C16orf89: variants seen among roughly 807,000 people sequenced by gnomAD.
C16orf89 encodes chromosome 16 open reading frame 89, also known as UPF0764 protein C16orf89.
A neutral mutation model predicts 41.5 loss-of-function variants in C16orf89; 57 were observed. The observed-to-expected ratio is 1.38, with a 90% CI of 1.11 to 1.71. The LOEUF (loss-of-function observed/expected upper bound fraction) is 1.71, where lower values mean the gene tolerates loss of function less well. C16orf89 is among the 40% of genes most tolerant of loss of function. The pLI is 0.00. For synonymous variants in C16orf89, 223 were observed against 190.6 expected (o/e 1.17, Z -1.40); for missense variants, 575 against 445.9 (o/e 1.29, Z -2.61).
chr16:5,063,111 A>C (rs1465418262), intron 1 of C16orf89, among the ~76,000 whole-genome samples: 3 of 152,122 alleles, frequency 2.0e-5, no homozygotes, highest in Non-Finnish European at 2.9e-5. Context: ...GTGGGAGACA[A>C]TGGTGAAGAT....
Position 5,058,564 on chromosome 16 carries a change from G to C in C16orf89, c.556C>G (p.Leu186Val), listed in dbSNP as rs758381036. The part of the protein sequence containing the change: ...PCGLSDLCRS[L>V]MTKPGCSGYC... Reference sequence around the variant, plus strand: ...CCTGAGCAGCCGGGCTTGGTCATGAGGCTCCTGCAGAGGTCTGAGAGGCCG... The same window carrying C: ...CCTGAGCAGCCGGGCTTGGTCATGACGCTCCTGCAGAGGTCTGAGAGGCCG... The change falls in exon 4 of 8, where the codon CTC (leucine) becomes GTC (valine). Residue 186 changes from leucine to valine, a missense_variant. Coordinates refer to ENST00000472572, the MANE Select transcript of C16orf89 (RefSeq NM_001098514.3). 5 of 1,612,808 alleles carry C rather than the reference G, an allele frequency of 3.1e-6. No homozygotes were observed. In the South Asian group the frequency reaches 4.4e-5, roughly 14 times the overall value.
intron 6 of C16orf89, among the ~76,000 whole-genome samples, chr16:5,049,609 G>A (rs1164346671): frequency 1.3e-5 from 2 of 152,146 alleles, no homozygotes; most frequent in Non-Finnish European, 2.9e-5. Context: ...TGACCAATGA[G>A]CAAATGAAGA....
At chr16:5,064,467 A>G (rs1369758246) in intron 1 of C16orf89, among the ~76,000 whole-genome samples, 1 of 152,238 alleles carries the variant, frequency 6.6e-6, no homozygotes, top group African/African-American at 2.4e-5. Context: ...CATGTGCATG[A>G]TCGTGTGATA....
In C16orf89 at chr16:5,054,592, A is replaced by C. The variant is rs1956455245; in HGVS notation, c.868+654T>G. Among the ~76,000 whole-genome samples, 2 of 152,200 alleles carry C rather than the reference A, an allele frequency of 1.3e-5. 1 individual carries two copies. The highest frequency in any genetic ancestry group is 2.9e-5 in the Non-Finnish European group (2 of 68,040). ...CCCTAGAGCCTAGATGGTGTCTGGTACATTAGTGGGTGCTCAATACGTACT... is the reference window on the plus strand; with the variant it reads ...CCCTAGAGCCTAGATGGTGTCTGGTCCATTAGTGGGTGCTCAATACGTACT... On this transcript the variant is annotated intron_variant, in intron 6 of 7. Coordinates refer to ENST00000472572, the MANE Select transcript of C16orf89 (RefSeq NM_001098514.3).
chr16:5,064,989 C>T (rs1956706039), intron 1 of C16orf89, among the ~76,000 whole-genome samples: 2 of 152,356 alleles, frequency 1.3e-5, no homozygotes, highest in African/African-American at 4.8e-5. Context: ...TAGTGAACTA[C>T]AGCTTTTGCT....
downstream of C16orf89, chr16:5,043,379 A>G (rs910457416): frequency 1.3e-5 from 2 of 152,156 alleles, no homozygotes; most frequent in Non-Finnish European, 2.9e-5. Flanking sequence ...TATTATCGCA[A>G]TTTTACTGAT....
In C16orf89 at chr16:5,044,327, G is replaced by C; in HGVS notation, c.*21C>G. The C allele has an allele frequency of 1.3e-6, 2 of 1,580,654 alleles. No homozygotes were observed. Among genetic ancestry groups the C allele is most frequent in the African/African-American group, 1.4e-5 (1 of 73,838 alleles). On this transcript the variant is annotated 3_prime_UTR_variant, in exon 8 of 8. Transcript: ENST00000472572. ...AAGGGGTCTGTTCCTCCTCCAGGCAGCTGGCATGGAACCGTCCGTCTCAGC... is the reference window on the plus strand; with the variant it reads ...AAGGGGTCTGTTCCTCCTCCAGGCACCTGGCATGGAACCGTCCGTCTCAGC...
At chr16:5,065,517 G>GT (rs1405639031) in intron 1 of C16orf89, among the ~76,000 whole-genome samples, 184 bp downstream of exon 1, 19 of 152,136 alleles carry the variant, frequency 1.2e-4, no homozygotes, top group African/African-American at 4.1e-4. Flanking sequence ...AAAAAATTGC[G>GT]TAACAGTTAG....
At position 5,063,283 on chromosome 16, in the gene C16orf89, C is replaced by T. The variant is rs114636501; in HGVS notation, c.209-709G>A. Among the ~76,000 whole-genome samples the T allele has an allele frequency of 4.1e-3, 621 of 152,260 alleles. 3 individuals are homozygous for T. Among genetic ancestry groups the T allele is most frequent in the African/African-American group, 0.014 (587 of 41,552 alleles). ...TAAGAAGGATGCTGAGGTAGTCCTC[C>T]AGGGCGACCGGCTCTGGCACGCCCC... On this transcript the variant is annotated intron_variant, in intron 1 of 7. Transcript: ENST00000472572.
rs377519523 is a variant in C16orf89, at chr16:5,058,493, C to T, written c.627G>A (p.Met209Ile). ...HQLLFFLWAR[M>I]RGCTQGPLQQ... Reference sequence around the variant, plus strand: ...CGGCGGGGGCTCCCTGGGCACTCACCATTCTGGCCCAGAGGAAGAAGAGCA... The same window carrying T: ...CGGCGGGGGCTCCCTGGGCACTCACTATTCTGGCCCAGAGGAAGAAGAGCA... The change falls in exon 4 of 8, where the codon ATG (methionine) becomes ATA (isoleucine). Residue 209 changes from methionine (M) to isoleucine (I), a missense_variant and splice_region_variant. Transcript: ENST00000472572. 67 of 1,601,198 alleles carry T rather than the reference C, an allele frequency of 4.2e-5. No homozygotes were observed. The African/African-American group carries it at 7.8e-4, about 19-fold the overall frequency.
intron 2 of C16orf89, 150 bp from the exon 3 acceptor site, chr16:5,060,586 TTG>T: frequency 3.9e-6 from 3 of 777,086 alleles, no homozygotes; most frequent in Non-Finnish European, 5.8e-6. Flanking sequence ...CAGATTGGGT[TTG>T]AAACACTCAA....
In C16orf89 at chr16:5,062,545, C is replaced by A. The variant is rs769601792; in HGVS notation, c.238G>T (p.Ala80Ser). ...EQLKSVREKW[A>S]QEPLLQPLSL... Reference sequence around the variant, plus strand: ...AGCGGCTGCAGCAGGGGCTCCTGGGCCCACTTCTCCCGGACACTTTTTAGC... The same window carrying A: ...AGCGGCTGCAGCAGGGGCTCCTGGGACCACTTCTCCCGGACACTTTTTAGC... Residue 80 changes from alanine to serine, a missense_variant, in exon 2 of 8, where the codon GCC (alanine) becomes TCC (serine). Physicochemically the swap from Ala to Ser is moderately conservative, Grantham distance 99. Transcript: ENST00000472572. 2.9e-5 allele frequency: 46 copies of A among 1,612,846 alleles called. No individual in the cohort carries two copies. The highest frequency in any genetic ancestry group is 3.7e-5 in the Non-Finnish European group (44 of 1,179,458).
chr16:5,065,051 TGTG>T (rs1404111981), intron 1 of C16orf89, among the ~76,000 whole-genome samples: 1 of 151,672 alleles, frequency 6.6e-6, no homozygotes, highest in Non-Finnish European at 1.5e-5. Flanking sequence ...CCTGTGTGCT[TGTG>T]TGTGTGTGTG....
In C16orf89 at chr16:5,056,206, C is replaced by G. The variant is rs367572318; in HGVS notation, c.628-18G>C. ...CACCCCCTCTGGGGAGACAAACACC[C>G]AAAGACAAGGGAGTCAGTGGTACAG... On this transcript the variant is annotated intron_variant, in intron 4 of 7. Coordinates refer to ENST00000472572, the MANE Select transcript of C16orf89 (RefSeq NM_001098514.3). 3.5e-5 allele frequency: 56 copies of G among 1,577,524 alleles called. No individual in the cohort carries two copies. In the African/African-American group the frequency reaches 7.1e-4, roughly 20 times the overall value.
At chr16:5,055,038 G>C (rs1956464545) in intron 6 of C16orf89, among the ~76,000 whole-genome samples, 1 of 152,188 alleles carries the variant, frequency 6.6e-6, no homozygotes, top group African/African-American at 2.4e-5. Flanking sequence ...CTTCCAATAA[G>C]ACGGCCTCCT....
intron 3 of C16orf89, 156 bp from the exon 4 acceptor site, chr16:5,058,766 T>A: frequency 1.7e-6 from 1 of 584,714 alleles, no homozygotes; most frequent in East Asian, 3.3e-5. Context: ...TCCTGCATTT[T>A]GATTTGCTAA....
intron 3 of C16orf89, among the ~76,000 whole-genome samples, chr16:5,060,054 G>T (rs1567158376): frequency 6.6e-6 from 1 of 151,940 alleles, no homozygotes; most frequent in Admixed American, 6.6e-5. Flanking sequence ...GGTGTGTTCA[G>T]CCATGGCTGC....
chr16:5,061,322 T>C (rs1420378196), intron 2 of C16orf89, among the ~76,000 whole-genome samples: 2 of 137,206 alleles, frequency 1.5e-5, no homozygotes, highest in Non-Finnish European at 3.0e-5. Context: ...TCCCAGCTAC[T>C]TGAGAGAGGC....
At chr16:5,055,590 C>A in intron 5 of C16orf89, 1 of 1,282,574 alleles carries the variant, frequency 7.8e-7, no homozygotes, top group Non-Finnish European at 1.1e-6. Context: ...AAGTCAGGAT[C>A]AGTGGAGGAG....
Sources: allele counts gnomAD v4.1 joint callset (sites outside exome capture counted in the v4.1 genomes callset), GRCh38; gene constraint gnomAD v4.1.1; transcripts MANE v1.5; gene names NCBI Gene and HGNC (gene_info 2026-07-23, HGNC 2026-07-21).